Variants in FREM1 observed in about 807,000 individuals in gnomAD.
The protein encoded by FREM1 is FRAS1 related extracellular matrix 1, also known as FRAS1-related extracellular matrix protein 1.
In FREM1, 220 loss-of-function variants were observed where a neutral mutation model predicts 210.1. The ratio of observed to expected loss-of-function variants is 1.05; its 90% CI spans 0.94 to 1.17. The LOEUF (loss-of-function observed/expected upper bound fraction) is 1.17. Ranked by LOEUF, FREM1 falls within the 50% of genes most tolerant of loss-of-function variation. FREM1 has a pLI of 0.00. For missense variants in FREM1, 3,454 were observed against 2,675.5 expected (o/e 1.29, Z -6.42); for synonymous variants, 1,189 against 980.2 (o/e 1.21, Z -3.98).
chr9:14,860,754 T>TATATGTGCAC (rs1564101101), intron 3 of FREM1, among the ~76,000 whole-genome samples: 1 of 113,752 alleles, frequency 8.8e-6, no homozygotes, highest in African/African-American at 4.1e-5. Context: ...TATATGCACA[T>TATATGTGCAC]ATATATGCAC....
At chr9:14,898,354 C>A (rs1838131604) in intron 1 of FREM1, among the ~76,000 whole-genome samples, 1 of 152,226 alleles carries the variant, frequency 6.6e-6, no homozygotes, top group South Asian at 2.1e-4. Flanking sequence ...CTGCCCCTTT[C>A]TATTCCAGAT....
chr9:14,835,383 A>C (rs11532894), intron 10 of FREM1, among the ~76,000 whole-genome samples: 26,979 of 152,204 alleles, frequency 0.18, 2,414 homozygotes, highest in African/African-American at 0.21. Flanking sequence ...AATAAGAATC[A>C]ATTTTTCTTT....
chr9:14,837,538 T>C (rs1015286385), intron 10 of FREM1, among the ~76,000 whole-genome samples: 8 of 152,138 alleles, frequency 5.3e-5, no homozygotes, highest in African/African-American at 1.9e-4. Context: ...TGTACATTCT[T>C]CTTACACAAA....
rs1478434306 is a variant in FREM1, at chr9:14,812,992, C to T, written c.2713G>A (p.Gly905Arg). 1.9e-6 allele frequency: 3 copies of T among 1,613,716 alleles called. No homozygotes were observed. Among genetic ancestry groups the T allele is most frequent in the South Asian group, 1.1e-5 (1 of 91,086 alleles). ...TATTCAGAGGTGATGACCACCTCTC[C>T]TCCCTCTGAGCAATTCATGACAGGC... ...LMPVMNCSEG[G>R]EVVITSEYIF... is the part of the protein sequence containing the mutation. Residue 905 changes from glycine (G) to arginine (R), a missense_variant, in exon 16 of 37, where the codon GGA (glycine) becomes AGA (arginine). Physicochemically the swap from Gly to Arg is moderately radical, Grantham distance 125 (BLOSUM62 -2). Transcript: ENST00000380880.
intron 29 of FREM1, chr9:14,751,918 A>G (rs1278747617): frequency 6.6e-6 from 1 of 151,586 alleles, no homozygotes; most frequent in African/African-American, 2.4e-5. Flanking sequence ...AAACAGGCTG[A>G]CAGCTAATTT....
intron 1 of FREM1, among the ~76,000 whole-genome samples, chr9:14,882,180 T>A (rs948038343): frequency 6.6e-5 from 10 of 152,182 alleles, no homozygotes; most frequent in Non-Finnish European, 1.0e-4. Flanking sequence ...CTTCAAGTTT[T>A]TGTATTAATT....
intron 21 of FREM1, among the ~76,000 whole-genome samples, chr9:14,793,415 T>C (rs1438901221): frequency 6.6e-6 from 1 of 152,210 alleles, no homozygotes; most frequent in Non-Finnish European, 1.5e-5. Flanking sequence ...CTGGGTAGTA[T>C]GTGTTCTTGT....
At chr9:14,844,856 G>A (rs1826307847) in intron 8 of FREM1, among the ~76,000 whole-genome samples, 1 of 152,122 alleles carries the variant, frequency 6.6e-6, no homozygotes, top group Non-Finnish European at 1.5e-5. Flanking sequence ...TTCCTTCTGG[G>A]TCTTCAAGCC....
chr9:14,792,280 A>ACACACACACG (rs1851531172), intron 22 of FREM1, among the ~76,000 whole-genome samples: 2 of 139,686 alleles, frequency 1.4e-5, no homozygotes, highest in African/African-American at 5.1e-5. Context: ...ACGCACACAC[A>ACACACACACG]CACACACACA....
intron 27 of FREM1, among the ~76,000 whole-genome samples, chr9:14,767,359 T>A (rs1011807944): frequency 2.0e-5 from 3 of 152,176 alleles, no homozygotes; most frequent in African/African-American, 7.2e-5. Flanking sequence ...GGTGTTCCAT[T>A]CCCTTCAGGC....
intron 3 of FREM1, among the ~76,000 whole-genome samples, chr9:14,861,666 C>A (rs538804340): frequency 4.5e-4 from 69 of 151,970 alleles, no homozygotes; most frequent in African/African-American, 1.6e-3. Flanking sequence ...GCCACCACTC[C>A]CAGCTAATTT....
chr9:14,873,848 A>G (rs1314179858), intron 1 of FREM1, among the ~76,000 whole-genome samples: 4 of 151,942 alleles, frequency 2.6e-5, no homozygotes, highest in African/African-American at 9.7e-5. Flanking sequence ...AATGTGTCCC[A>G]GAGATTCTGG....
In FREM1 at chr9:14,842,388, A is replaced by C; in HGVS notation, c.1666T>G (p.Tyr556Asp). 1 of 1,613,128 alleles carries C rather than the reference A, an allele frequency of 6.2e-7. No individual in the cohort carries two copies. The highest frequency in any genetic ancestry group is 8.5e-7 in the Non-Finnish European group (1 of 1,179,136). ...GGCTTTGTGATATTGAAGAAGATGT[A>C]GTCATCACTGGCGTCCACATCTGAA... ...RASDVDASDD[Y>D]IFFNITKPPQ... is the part of the protein sequence containing the mutation. The change falls in exon 9 of 37, where the codon TAC (tyrosine) becomes GAC (aspartate). Residue 556 changes from tyrosine to aspartate, a missense_variant. By Grantham distance (160) the Tyr-to-Asp change is radical. Transcript: ENST00000380880.
At position 14,892,090 on chromosome 9, in the gene FREM1, C is replaced by T. The variant is rs1156237510; in HGVS notation, c.-268+17824G>A. The stretch of plus-strand genomic sequence containing the variant: ...ATCCCTCTTTCTGAGTACCTAAGAA[C>T]TTTCTGAGTACCTAAGAACTCTCTC... On this transcript the variant is annotated intron_variant, in intron 1 of 36. Transcript: ENST00000380880. Among the ~76,000 whole-genome samples the T allele has an allele frequency of 2.0e-5, 3 of 152,178 alleles. No individual in the cohort carries two copies. The South Asian group carries it at 6.2e-4, about 32-fold the overall frequency.
rs373078917 is a variant in FREM1, at chr9:14,823,297, T to C, written c.2200A>G (p.Met734Val). The C allele has an allele frequency of 2.5e-6, 4 of 1,613,824 alleles. No individual in the cohort carries two copies. Among genetic ancestry groups the C allele is most frequent in the African/African-American group, 2.7e-5 (2 of 74,918 alleles). The stretch of plus-strand genomic sequence containing the variant: ...GGACCAATGTCTTGCATGGGGGGCA[T>C]GTAGGCCACTTTCATATAGTTCACA... ...HAVNYMKVAY[M>V]PPMQDIGPHC... Residue 734 changes from methionine (M) to valine (V), a missense_variant, in exon 13 of 37, where the codon ATG (methionine) becomes GTG (valine). Transcript: ENST00000380880.
chr9:14,884,242 G>GA (rs917446641), intron 1 of FREM1, among the ~76,000 whole-genome samples: 25 of 151,774 alleles, frequency 1.6e-4, no homozygotes, highest in African/African-American at 4.3e-4. Context: ...AAAGAAAAAA[G>GA]AAAAAAAGAA....
At position 14,852,876 on chromosome 9, in the gene FREM1, T is replaced by G. The variant is rs147008263; in HGVS notation, c.829-1269A>C. Among the ~76,000 whole-genome samples, 7 of 152,284 alleles carry G rather than the reference T, an allele frequency of 4.6e-5. No homozygotes were observed. In the East Asian group the frequency reaches 1.2e-3, roughly 25 times the overall value. On this transcript the variant is annotated intron_variant, in intron 5 of 36. Transcript: ENST00000380880. ...ATGCTAAAGTTCCAATAAAAGAGAT[T>G]AGATGTGCAACTGAATGTAAGACAG...
chr9:14,861,969 T>G (rs543873834), intron 3 of FREM1, among the ~76,000 whole-genome samples: 1 of 152,344 alleles, frequency 6.6e-6, no homozygotes, highest in African/African-American at 2.4e-5. Context: ...CCATGTTCCC[T>G]GCAACTCCCC....
Position 14,882,977 on chromosome 9 carries a change from A to G in FREM1, c.-267-13733T>C, listed in dbSNP as rs1345546765. ...AGTTCCCCTGTCAGACCAATAATCT[A>G]TGTGGAAATATTTTCTTAATTACAA... On this transcript the variant is annotated intron_variant, in intron 1 of 36. Transcript: ENST00000380880. Among the ~76,000 whole-genome samples, 8 of 150,006 alleles carry G rather than the reference A, an allele frequency of 5.3e-5. No homozygotes were observed. In the South Asian group the frequency reaches 1.7e-3, roughly 32 times the overall value.
Sources: allele counts gnomAD v4.1 joint callset (sites outside exome capture counted in the v4.1 genomes callset), GRCh38; gene constraint gnomAD v4.1.1; transcripts MANE v1.5; gene names NCBI Gene and HGNC (gene_info 2026-07-23, HGNC 2026-07-21).